PUS7: variants seen among roughly 807,000 people sequenced by gnomAD.
The protein encoded by PUS7 is pseudouridine synthase 7.
In PUS7, 48 loss-of-function variants were observed where a neutral mutation model predicts 79.8. The ratio of observed to expected loss-of-function variants is 0.60; its 90% CI spans 0.48 to 0.76. The LOEUF (loss-of-function observed/expected upper bound fraction) is 0.76, where lower values mean the gene tolerates loss of function less well. Among genes scored for constraint, PUS7 ranks in the 30% least tolerant of loss-of-function variants. The probability of loss-of-function intolerance (pLI) is 0.00; values close to 1 mark genes in which losing one functional copy is unlikely to be tolerated. For synonymous variants in PUS7, 286 were observed against 272.2 expected, an observed-to-expected ratio of 1.05 and a Z score of -0.50; for missense variants, 729 against 797.6, an observed-to-expected ratio of 0.91 and a Z score of 1.04.
chr7:105,521,087 T>C (rs1826089538), intron 1 of PUS7, among the ~76,000 whole-genome samples: 1 of 152,004 alleles, frequency 6.6e-6, no homozygotes, highest in South Asian at 2.1e-4. Context: ...GTTGGCTACT[T>C]TCCTAATGTT....
chr7:105,514,124 G>C (rs561260350), intron 1 of PUS7, among the ~76,000 whole-genome samples: 1 of 134,780 alleles, frequency 7.4e-6, no homozygotes, highest in African/African-American at 2.7e-5. Context: ...CCAGCTACTC[G>C]GGAGGCTGAG....
At chr7:105,486,926 G>T (rs1824573726) in intron 7 of PUS7, among the ~76,000 whole-genome samples, 1 of 151,964 alleles carries the variant, frequency 6.6e-6, no homozygotes, top group South Asian at 2.1e-4. Context: ...AGGGCATGGT[G>T]GTGCACACCT....
At chr7:105,507,297 T>C (rs2697018) in intron 2 of PUS7, among the ~76,000 whole-genome samples, 144,627 of 151,878 alleles carry the variant, frequency 0.95, 68,910 homozygotes, top group African/African-American at 0.98. Flanking sequence ...CTGCCCGCCT[T>C]GGCCTCCCAA....
Position 105,465,390 on chromosome 7 carries a change from T to C in PUS7, c.1550A>G (p.Asp517Gly), listed in dbSNP as rs112734483. ...ATGGATAGAGTAATTATTAACATCA[T>C]CTTCCTCAATATAGGTGGCTGTGGC... ...KGATATYIEEDDVNNYSIHDV... is the reference protein window; with the variant it reads ...KGATATYIEEGDVNNYSIHDV... Residue 517 changes from aspartate (D) to glycine (G), a missense_variant, in exon 13 of 16, where the codon GAT (aspartate) becomes GGT (glycine). Transcript: ENST00000469408. 4 of 1,612,864 alleles carry C rather than the reference T, an allele frequency of 2.5e-6. No individual in the cohort carries two copies. Among genetic ancestry groups the C allele is most frequent in the Middle Eastern group, 1.7e-4 (1 of 6,058 alleles).
At position 105,470,915 on chromosome 7, in the gene PUS7, A is replaced by C. The variant is rs2133078580; in HGVS notation, c.1238-67T>G. ...GACAGACTTCCATAACTTAAAGTAC[A>C]CTTCACAGAGAACACAAAATTAGAA... On this transcript the variant is annotated intron_variant, in intron 10 of 15. Coordinates refer to ENST00000469408, the MANE Select transcript of PUS7 (RefSeq NM_019042.5). The C allele has an allele frequency of 2.1e-6, 3 of 1,443,894 alleles. No individual in the cohort carries two copies. In the East Asian group the frequency reaches 7.1e-5, roughly 34 times the overall value. 89.4% of individuals were successfully genotyped at this position (1,443,894 alleles called of 1,614,324 possible).
intron 5 of PUS7, among the ~76,000 whole-genome samples, chr7:105,500,685 G>A (rs1288873693): frequency 6.6e-6 from 1 of 152,142 alleles, no homozygotes; most frequent in African/African-American, 2.4e-5. Context: ...TTAGGACCAA[G>A]TGCCCCAAGG....
At position 105,465,398 on chromosome 7, in the gene PUS7, A is replaced by T. The variant is rs975579199; in HGVS notation, c.1542T>A (p.Ile514=). ...AGTAATTATTAACATCATCTTCCTC[A>T]ATATAGGTGGCTGTGGCTGTAAATT... is the stretch of plus-strand genomic sequence containing the variant. The part of the protein sequence containing the change: ...LVLKGATATY[I]EEDDVNNYSI... The change falls in exon 13 of 16, where the codon ATT becomes ATA. Residue 514 remains isoleucine (I), a synonymous_variant. Coordinates refer to ENST00000469408, the MANE Select transcript of PUS7 (RefSeq NM_019042.5). 6.2e-7 allele frequency: 1 copy of T among 1,611,634 alleles called. No homozygotes were observed. Among genetic ancestry groups the T allele is most frequent in the Non-Finnish European group, 8.5e-7 (1 of 1,178,336 alleles).
chr7:105,472,947 G>A (rs1290877474), intron 9 of PUS7, among the ~76,000 whole-genome samples: 1 of 131,416 alleles, frequency 7.6e-6, no homozygotes, highest in Non-Finnish European at 1.6e-5. Flanking sequence ...TTTTTTAGTA[G>A]AGATGGGGTT....
intron 5 of PUS7, among the ~76,000 whole-genome samples, chr7:105,498,182 T>G (rs115661690): frequency 6.6e-6 from 1 of 152,194 alleles, no homozygotes; most frequent in African/African-American, 2.4e-5. Context: ...GTATGCATTC[T>G]TTTTCTAAGT....
chr7:105,498,143 A>G (rs1225835231), intron 5 of PUS7, among the ~76,000 whole-genome samples: 1 of 152,226 alleles, frequency 6.6e-6, no homozygotes, highest in Admixed American at 6.5e-5. Flanking sequence ...CATGCATACA[A>G]TTATCTCCTT....
At chr7:105,473,479 C>T (rs1823958994) in intron 9 of PUS7, among the ~76,000 whole-genome samples, 1 of 147,952 alleles carries the variant, frequency 6.8e-6, no homozygotes, top group Non-Finnish European at 1.5e-5. Context: ...AGTGCAATGG[C>T]ACAATCTCAG....
chr7:105,463,241 GCA>G (rs1333528241), intron 13 of PUS7, among the ~76,000 whole-genome samples: 1 of 152,188 alleles, frequency 6.6e-6, no homozygotes, highest in East Asian at 1.9e-4. Context: ...GCCTTTGCTT[GCA>G]CAGTCATTAA....
chr7:105,471,131 TCTTC>T (rs1251492329), intron 10 of PUS7, among the ~76,000 whole-genome samples: 1 of 152,254 alleles, frequency 6.6e-6, no homozygotes, highest in African/African-American at 2.4e-5. Flanking sequence ...GCTAGTACTT[TCTTC>T]CTTCTCTCTT....
At chr7:105,467,456 A>G (rs1013972301) in intron 12 of PUS7, among the ~76,000 whole-genome samples, 4 of 151,200 alleles carry the variant, frequency 2.6e-5, no homozygotes, top group East Asian at 4.0e-4. Context: ...CGCCCGGCTA[A>G]TTTTTTGTAT....
intron 9 of PUS7, among the ~76,000 whole-genome samples, chr7:105,474,456 CAT>C (rs969151909): frequency 6.6e-6 from 1 of 151,988 alleles, no homozygotes. Context: ...ATATAATACA[CAT>C]AGATTTTTAC....
At chr7:105,517,957 G>A (rs1483293640) in intron 1 of PUS7, among the ~76,000 whole-genome samples, 1 of 152,140 alleles carries the variant, frequency 6.6e-6, no homozygotes, top group Non-Finnish European at 1.5e-5. Flanking sequence ...AAATCAGCCT[G>A]GCCAGCATGG....
intron 13 of PUS7, among the ~76,000 whole-genome samples, chr7:105,464,978 C>A (rs527321643): frequency 6.6e-6 from 1 of 151,996 alleles, no homozygotes; most frequent in East Asian, 1.9e-4. Context: ...ACTACCAGGC[C>A]CAGCTAATTT....
intron 9 of PUS7, among the ~76,000 whole-genome samples, chr7:105,473,591 G>T (rs1329339270): frequency 6.6e-6 from 1 of 152,022 alleles, no homozygotes; most frequent in Non-Finnish European, 1.5e-5. Flanking sequence ...GCCAATTTTT[G>T]TATTTTTAGT....
At chr7:105,502,146 A>G (rs1458700030) in intron 5 of PUS7, among the ~76,000 whole-genome samples, 1 of 152,082 alleles carries the variant, frequency 6.6e-6, no homozygotes, top group Non-Finnish European at 1.5e-5. Flanking sequence ...TTCAGGGAAC[A>G]TATCAAATCC....
Sources: gnomAD v4.1 joint callset for allele counts (sites outside exome capture counted in the v4.1 genomes callset) on GRCh38, gnomAD v4.1.1 for gene constraint, MANE v1.5 for transcripts, NCBI Gene and HGNC (gene_info 2026-07-23, HGNC 2026-07-21) for gene names.